PPP3CA: variants seen among roughly 807,000 people sequenced by gnomAD.
PPP3CA encodes the protein CAM-PRP catalytic subunit.
PPP3CA carries 14 observed loss-of-function variants against 66.5 expected under a neutral mutation model. The ratio of observed to expected loss-of-function variants is 0.21; its 90% confidence interval spans 0.14 to 0.33. PPP3CA has a LOEUF of 0.33. PPP3CA is among the 10% of genes least tolerant of loss of function. The pLI is 1.00. For synonymous variants in PPP3CA, 232 were observed against 226.2 expected (o/e 1.03, Z -0.23); for missense variants, 317 against 639.5 (o/e 0.50, Z 5.44).
At chr4:101,261,584 A>G (rs1231404996) in intron 1 of PPP3CA, among the ~76,000 whole-genome samples, 1 of 152,140 alleles carries the variant, frequency 6.6e-6, no homozygotes, top group Admixed American at 6.5e-5. Context: ...TCAGTCTGAA[A>G]AAAAATAAGC....
chr4:101,298,661 T>C (rs1470325356), intron 1 of PPP3CA, among the ~76,000 whole-genome samples: 1 of 152,196 alleles, frequency 6.6e-6, no homozygotes, highest in African/African-American at 2.4e-5. Context: ...TGTAAGAATA[T>C]GGTATATATA....
intron 8 of PPP3CA, among the ~76,000 whole-genome samples, chr4:101,079,195 A>C (rs1364392785): frequency 2.6e-5 from 4 of 152,194 alleles, no homozygotes; most frequent in Non-Finnish European, 5.9e-5. Flanking sequence ...CATATTAGGC[A>C]TCCTGGACAC....
intron 6 of PPP3CA, among the ~76,000 whole-genome samples, chr4:101,084,081 C>A (rs1295662948): frequency 3.3e-5 from 5 of 152,138 alleles, no homozygotes; most frequent in African/African-American, 1.2e-4. Context: ...GCTCTAAGAA[C>A]TTTTAATGAA....
In PPP3CA at chr4:101,233,691, T is replaced by C. The variant is rs190065156; in HGVS notation, c.59-37575A>G. 9.4e-4 allele frequency among the ~76,000 whole-genome samples: 142 copies of C among 151,304 alleles called. 1 individual carries two copies. The highest frequency in any genetic ancestry group is 2.0e-3 in the Non-Finnish European group (133 of 67,704). On this transcript the variant is annotated intron_variant, in intron 1 of 13. Coordinates refer to ENST00000394854, the MANE Select transcript of PPP3CA (RefSeq NM_000944.5). ...TAAAACAACATGATTAAATATTTAA[T>C]TCAAATGAAAACGTTTAGTCCTAAT...
intron 1 of PPP3CA, among the ~76,000 whole-genome samples, chr4:101,293,761 A>C (rs1436277365): frequency 6.6e-6 from 1 of 152,222 alleles, no homozygotes; most frequent in African/African-American, 2.4e-5. Context: ...TCAACTCCTT[A>C]GGTCTCAGCT....
chr4:101,038,581 G>A (rs1727365226), intron 11 of PPP3CA, among the ~76,000 whole-genome samples: 1 of 151,894 alleles, frequency 6.6e-6, no homozygotes, highest in Non-Finnish European at 1.5e-5. Context: ...TGTTGCTCAG[G>A]CTGGTCTCGA....
intron 2 of PPP3CA, among the ~76,000 whole-genome samples, chr4:101,117,119 A>G (rs2110269841): frequency 6.6e-6 from 1 of 151,992 alleles, no homozygotes; most frequent in South Asian, 2.1e-4. Flanking sequence ...GAAGATAAAT[A>G]AACTGTTAGC....
chr4:101,032,976 T>G (rs965578496), intron 11 of PPP3CA, among the ~76,000 whole-genome samples: 4 of 152,066 alleles, frequency 2.6e-5, no homozygotes, highest in Non-Finnish European at 5.9e-5. Flanking sequence ...TCAGTCACTT[T>G]CCCCACTGAT....
intron 2 of PPP3CA, among the ~76,000 whole-genome samples, chr4:101,182,305 T>C (rs563518363): frequency 1.3e-5 from 2 of 152,244 alleles, no homozygotes; most frequent in African/African-American, 4.8e-5. Context: ...AGAGAGAAGA[T>C]ACTACCTAAT....
At chr4:101,130,733 T>A (rs887949675) in intron 2 of PPP3CA, among the ~76,000 whole-genome samples, 1 of 152,188 alleles carries the variant, frequency 6.6e-6, no homozygotes. Context: ...CAAGAGTTCC[T>A]GAAGGAAGCA....
chr4:101,247,285 C>T (rs541252702), intron 1 of PPP3CA, among the ~76,000 whole-genome samples: 3 of 152,118 alleles, frequency 2.0e-5, no homozygotes, highest in Admixed American at 2.0e-4. Context: ...CCTCAGCCTC[C>T]GGAGTAGCTG....
chr4:101,316,038 A>C (rs943559168), intron 1 of PPP3CA, among the ~76,000 whole-genome samples: 1 of 152,100 alleles, frequency 6.6e-6, no homozygotes, highest in Non-Finnish European at 1.5e-5. Flanking sequence ...GCAGGGTAAG[A>C]AACATTTAAG....
At chr4:101,284,169 G>GTT (rs1283596231) in intron 1 of PPP3CA, among the ~76,000 whole-genome samples, 1 of 152,048 alleles carries the variant, frequency 6.6e-6, no homozygotes, top group African/African-American at 2.4e-5. Context: ...TTTGTTTTAT[G>GTT]TGTCTTTGGT....
intron 1 of PPP3CA, among the ~76,000 whole-genome samples, chr4:101,216,988 T>C (rs189780079): frequency 1.3e-5 from 2 of 152,260 alleles, no homozygotes; most frequent in African/African-American, 2.4e-5. Context: ...AATATCACAA[T>C]TCAATGATCG....
At chr4:101,234,218 A>G (rs1278726910) in intron 1 of PPP3CA, among the ~76,000 whole-genome samples, 2 of 151,860 alleles carry the variant, frequency 1.3e-5, no homozygotes, top group Non-Finnish European at 2.9e-5. Context: ...GTGTGCATAT[A>G]TCTTTACAGT....
At chr4:101,171,100 A>G in intron 2 of PPP3CA, 1 of 444,392 alleles carries the variant, frequency 2.3e-6, no homozygotes, top group Admixed American at 2.5e-5. Context: ...TACACAGAGA[A>G]AAGTCCTTTG....
At chr4:101,030,618 T>G (rs1239011165) in intron 12 of PPP3CA, among the ~76,000 whole-genome samples, 1 of 151,952 alleles carries the variant, frequency 6.6e-6, no homozygotes, top group South Asian at 2.1e-4. Flanking sequence ...ATAACCTAAG[T>G]AAAAACACAA....
At chr4:101,159,773 T>C (rs1723442842) in intron 2 of PPP3CA, among the ~76,000 whole-genome samples, 1 of 152,088 alleles carries the variant, frequency 6.6e-6, no homozygotes, top group Non-Finnish European at 1.5e-5. Flanking sequence ...CAGAAATAAA[T>C]CTTTCAAAAA....
chr4:101,288,824 G>A (rs1436893617), intron 1 of PPP3CA, among the ~76,000 whole-genome samples: 1 of 151,962 alleles, frequency 6.6e-6, no homozygotes, highest in African/African-American at 2.4e-5. Flanking sequence ...AATCCAAGCT[G>A]GGGCAATGTG....
Sources: allele counts gnomAD v4.1 joint callset (sites outside exome capture counted in the v4.1 genomes callset), GRCh38; gene constraint gnomAD v4.1.1; transcripts MANE v1.5; gene names NCBI Gene and HGNC (gene_info 2026-07-23, HGNC 2026-07-21).